Variants in IL1RAPL1 observed in about 807,000 individuals in gnomAD.
IL1RAPL1 encodes the protein interleukin-1 receptor accessory protein-like 1.
Under a neutral mutation model 48.4 loss-of-function variants are expected in IL1RAPL1, and 3 were observed. The ratio of observed to expected loss-of-function variants is 0.06; its 90% CI spans 0.03 to 0.16. The LOEUF (loss-of-function observed/expected upper bound fraction) is 0.16. IL1RAPL1 is among the 10% of genes least tolerant of loss of function. The probability of loss-of-function intolerance (pLI) is 1.00; values close to 1 mark genes in which losing one functional copy is unlikely to be tolerated. For missense variants in IL1RAPL1, 349 were observed against 530.6 expected, an observed-to-expected ratio of 0.66 and a Z score of 3.36; for synonymous variants, 185 against 187.7, an observed-to-expected ratio of 0.99 and a Z score of 0.12.
chrX:28,847,103 C>G (rs1244613712), intron 2 of IL1RAPL1, among the ~76,000 whole-genome samples: 1 of 111,619 alleles, frequency 9.0e-6, no homozygotes, highest in Non-Finnish European at 1.9e-5. Context: ...TCTCCCACAC[C>G]TGACCCTTCA....
chrX:29,021,728 G>A lies in IL1RAPL1; in HGVS notation c.82+232303G>A, dbSNP rs756847537. ...AATCTGCTATTTATTCACTGTCTTC[G>A]TCTATGCCTAAAAGCAGGGACTTTT... On this transcript the variant is annotated intron_variant, in intron 2 of 10. Transcript: ENST00000378993. Among the ~76,000 whole-genome samples the A allele has an allele frequency of 1.2e-4, 13 of 111,123 alleles. No individual in the cohort carries two copies. The South Asian group carries it at 3.0e-3, about 26-fold the overall frequency.
intron 2 of IL1RAPL1, among the ~76,000 whole-genome samples, chrX:28,880,916 G>A (rs1226891438): frequency 1.8e-5 from 2 of 111,329 alleles, no homozygotes; most frequent in East Asian, 5.6e-4. Flanking sequence ...CTTTGAACTG[G>A]TTATAACATC....
intron 8 of IL1RAPL1, among the ~76,000 whole-genome samples, chrX:29,925,476 A>G (rs1317753627): frequency 6.3e-5 from 4 of 63,960 alleles, no homozygotes; most frequent in Non-Finnish European, 8.1e-5. Flanking sequence ...TCATTTGTAT[A>G]AGACGTCTAA....
At chrX:29,257,341 A>G (rs1038413083) in intron 2 of IL1RAPL1, among the ~76,000 whole-genome samples, 1 of 111,780 alleles carries the variant, frequency 8.9e-6, no homozygotes, top group African/African-American at 3.2e-5. Context: ...TAAAAATATT[A>G]GTAAAACTGA....
At chrX:29,050,664 A>G (rs1422160106) in intron 2 of IL1RAPL1, among the ~76,000 whole-genome samples, 1 of 112,213 alleles carries the variant, frequency 8.9e-6, no homozygotes, top group Non-Finnish European at 1.9e-5. Context: ...ACTGTTTGCC[A>G]TTATTTTTCA....
chrX:28,854,861 A>T (rs1403145148), intron 2 of IL1RAPL1, among the ~76,000 whole-genome samples: 1 of 111,952 alleles, frequency 8.9e-6, no homozygotes, highest in Non-Finnish European at 1.9e-5. Context: ...CAGAATGCAC[A>T]CAAATCTGAT....
intron 1 of IL1RAPL1, among the ~76,000 whole-genome samples, chrX:28,637,560 T>C (rs906823298): frequency 1.8e-5 from 2 of 111,785 alleles, no homozygotes; most frequent in East Asian, 2.8e-4. Flanking sequence ...TTCAATACAC[T>C]GTTAGATTTT....
chrX:29,225,805 G>A (rs969232695), intron 2 of IL1RAPL1, among the ~76,000 whole-genome samples: 5 of 111,667 alleles, frequency 4.5e-5, no homozygotes, highest in Middle Eastern at 4.6e-3. Context: ...AAGGATTGGC[G>A]CCCAGGTCCT....
At chrX:28,784,487 AG>A (rs1044631563) in intron 1 of IL1RAPL1, among the ~76,000 whole-genome samples, 6 of 111,941 alleles carry the variant, frequency 5.4e-5, no homozygotes, top group African/African-American at 1.9e-4. Flanking sequence ...GTCACCATAA[AG>A]ACAAGTATTT....
At chrX:29,686,230 A>G (rs1259992960) in intron 6 of IL1RAPL1, among the ~76,000 whole-genome samples, 1 of 111,755 alleles carries the variant, frequency 8.9e-6, no homozygotes, top group Non-Finnish European at 1.9e-5. Flanking sequence ...GCAGGATAGC[A>G]TTTTGTATTC....
rs185740671 is a variant in IL1RAPL1, at chrX:29,223,159, G to T, written c.83-59779G>T. 5.0e-3 allele frequency among the ~76,000 whole-genome samples: 554 copies of T among 111,324 alleles called. 4 individuals are homozygous for T. Among genetic ancestry groups the T allele is most frequent in the Non-Finnish European group, 7.9e-3 (420 of 53,043 alleles). On this transcript the variant is annotated intron_variant, in intron 2 of 10. Coordinates refer to ENST00000378993, the MANE Select transcript of IL1RAPL1 (RefSeq NM_014271.4). ...GTATCCTGAAGTTTTAAAAAAAAAT[G>T]GTACATTCTCTTTGCCCTTGAGGTA...
In IL1RAPL1 at chrX:29,954,583, A is replaced by G; in HGVS notation, c.1263A>G (p.Gln421=). The change falls in exon 10 of 11, where the codon CAA becomes CAG. Residue 421 remains glutamine (Q), a synonymous_variant. Transcript: ENST00000378993. ...YTKVDPDQWN[Q]ETGEEERFAL... ...AAGTGGATCCTGACCAGTGGAATCAAGAGACTGGGGAAGAAGAACGTTTTG... is the reference window on the plus strand; with the variant it reads ...AAGTGGATCCTGACCAGTGGAATCAGGAGACTGGGGAAGAAGAACGTTTTG... The G allele has an allele frequency of 1.7e-6, 2 of 1,205,186 alleles. No individual in the cohort carries two copies. Among genetic ancestry groups the G allele is most frequent in the Non-Finnish European group, 2.2e-6 (2 of 889,170 alleles).
chrX:29,715,924 G>A (rs941287298), intron 6 of IL1RAPL1, among the ~76,000 whole-genome samples: 3 of 112,050 alleles, frequency 2.7e-5, no homozygotes, highest in South Asian at 7.4e-4. Context: ...GGGTAGATAA[G>A]CAAATGTACA....
chrX:29,216,993 T>A (rs1005707775), intron 2 of IL1RAPL1, among the ~76,000 whole-genome samples: 1 of 111,484 alleles, frequency 9.0e-6, no homozygotes, highest in African/African-American at 3.3e-5. Flanking sequence ...CAGTCTCCTT[T>A]CCCTGGAGAG....
intron 2 of IL1RAPL1, among the ~76,000 whole-genome samples, chrX:29,225,614 A>C (rs1931062305): frequency 8.9e-6 from 1 of 111,847 alleles, no homozygotes; most frequent in African/African-American, 3.3e-5. Context: ...AGGATTTTTA[A>C]ATGCTGGGGT....
At chrX:29,134,632 T>C (rs1929088047) in intron 2 of IL1RAPL1, among the ~76,000 whole-genome samples, 1 of 111,447 alleles carries the variant, frequency 9.0e-6, no homozygotes, top group African/African-American at 3.3e-5. Context: ...GTTTCTGTTC[T>C]TGTATGTGCC....
chrX:29,199,446 G>A (rs777509311), intron 2 of IL1RAPL1, among the ~76,000 whole-genome samples: 1 of 111,205 alleles, frequency 9.0e-6, no homozygotes, highest in Non-Finnish European at 1.9e-5. Flanking sequence ...AAAGTATACT[G>A]TAGATGAGCA....
intron 2 of IL1RAPL1, among the ~76,000 whole-genome samples, chrX:29,149,514 G>A (rs1416696262): frequency 8.9e-6 from 1 of 111,776 alleles, no homozygotes; most frequent in African/African-American, 3.3e-5. Flanking sequence ...GCCTTTTGAA[G>A]TAGGGAAATA....
At chrX:29,129,784 C>T (rs1259620728) in intron 2 of IL1RAPL1, among the ~76,000 whole-genome samples, 2 of 108,232 alleles carry the variant, frequency 1.8e-5, no homozygotes, top group East Asian at 2.9e-4. Context: ...TTAGTAGAGA[C>T]GGGGTTTTGC....
Sources: allele counts gnomAD v4.1 joint callset (sites outside exome capture counted in the v4.1 genomes callset), GRCh38; gene constraint gnomAD v4.1.1; transcripts MANE v1.5; gene names NCBI Gene and HGNC (gene_info 2026-07-23, HGNC 2026-07-21).